The following LRRTM4 variants were observed in gnomAD, a reference collection of about 807,000 sequenced individuals.
LRRTM4 encodes leucine rich repeat transmembrane neuronal 4.
LRRTM4 carries 25 observed loss-of-function variants against 47.6 expected under a neutral mutation model. That is an observed-to-expected ratio of 0.53 (90% confidence interval 0.38 to 0.73). LRRTM4 has a LOEUF of 0.73. Among genes scored for constraint, LRRTM4 ranks in the 30% least tolerant of loss-of-function variants. The pLI, the probability that LRRTM4 is intolerant of heterozygous loss-of-function variation, is 0.00. For missense variants in LRRTM4, 638 were observed against 713.4 expected (o/e 0.89, Z 1.20); for synonymous variants, 311 against 269.5 (o/e 1.15, Z -1.51).
chr2:76,971,173 T>G (rs893900070), intron 3 of LRRTM4, among the ~76,000 whole-genome samples: 1 of 151,962 alleles, frequency 6.6e-6, no homozygotes, highest in African/African-American at 2.4e-5. Context: ...AACAGACTCT[T>G]AATAGAAGAT....
intron 3 of LRRTM4, among the ~76,000 whole-genome samples, chr2:77,454,190 T>A (rs1051584964): frequency 7.2e-5 from 11 of 152,334 alleles, no homozygotes; most frequent in African/African-American, 2.6e-4. Flanking sequence ...TTAATGTAAA[T>A]AATATTTTAA....
At chr2:77,476,889 A>G (rs2861074) in intron 3 of LRRTM4, among the ~76,000 whole-genome samples, 50,533 of 151,720 alleles carry the variant, frequency 0.33, 8,636 homozygotes, top group Middle Eastern at 0.37. Context: ...TACATTATTA[A>G]TTTCTCTTTG....
intron 3 of LRRTM4, among the ~76,000 whole-genome samples, chr2:77,207,372 T>TATATATATATATATATATATACAC (rs59335400): frequency 1.5e-5 from 2 of 131,098 alleles, no homozygotes; most frequent in African/African-American, 6.5e-5. Context: ...TATATATATA[T>TATATATATATATATATATATACAC]ACACACACAC....
intron 3 of LRRTM4, among the ~76,000 whole-genome samples, chr2:77,019,296 G>C (rs1313019969): frequency 6.7e-6 from 1 of 148,306 alleles, no homozygotes; most frequent in African/African-American, 2.5e-5. Flanking sequence ...AAGACAGAGT[G>C]TATTGACCCT....
At chr2:77,106,747 C>A (rs1671101910) in intron 3 of LRRTM4, among the ~76,000 whole-genome samples, 1 of 151,582 alleles carries the variant, frequency 6.6e-6, no homozygotes, top group South Asian at 2.1e-4. Context: ...GAAGGGAATT[C>A]CAAGAGGCTG....
intron 3 of LRRTM4, among the ~76,000 whole-genome samples, chr2:76,772,373 C>A (rs186199266): frequency 8.1e-4 from 123 of 151,998 alleles, no homozygotes; most frequent in Non-Finnish European, 1.4e-3. Context: ...GCAGCCTGAA[C>A]AGACTAAGAA....
chr2:76,994,574 C>T (rs1677132919), intron 3 of LRRTM4, among the ~76,000 whole-genome samples: 1 of 151,856 alleles, frequency 6.6e-6, no homozygotes, highest in African/African-American at 2.4e-5. Context: ...GCAGGCTAAC[C>T]TATTTGCTTG....
intron 3 of LRRTM4, among the ~76,000 whole-genome samples, chr2:77,118,813 G>A (rs1671454217): frequency 6.6e-6 from 1 of 151,748 alleles, no homozygotes; most frequent in Non-Finnish European, 1.5e-5. Flanking sequence ...AATAATAATG[G>A]CATGGAGATT....
intron 3 of LRRTM4, among the ~76,000 whole-genome samples, chr2:77,476,317 T>C (rs188759726): frequency 3.7e-4 from 56 of 152,276 alleles, no homozygotes; most frequent in Admixed American, 1.0e-3. Flanking sequence ...AAGGATGCTA[T>C]TTATTTTCAC....
chr2:76,827,410 G>A (rs1671218984), intron 3 of LRRTM4, among the ~76,000 whole-genome samples: 1 of 151,758 alleles, frequency 6.6e-6, no homozygotes, highest in Admixed American at 6.6e-5. Flanking sequence ...GATATGCATT[G>A]ATGGTTACTA....
chr2:77,131,745 A>G (rs1272494841), intron 3 of LRRTM4, among the ~76,000 whole-genome samples: 2 of 152,214 alleles, frequency 1.3e-5, no homozygotes, highest in African/African-American at 2.4e-5. Context: ...CCCCTTTTCA[A>G]TAAACTTCCT....
intron 3 of LRRTM4, among the ~76,000 whole-genome samples, chr2:77,297,461 G>GAGAGTT (rs1445366061): frequency 6.6e-6 from 1 of 152,174 alleles, no homozygotes; most frequent in Non-Finnish European, 1.5e-5. Context: ...TCTATAAAGA[G>GAGAGTT]AGAGTTAGAG....
intron 3 of LRRTM4, among the ~76,000 whole-genome samples, chr2:77,150,060 T>G (rs916232742): frequency 2.6e-5 from 4 of 152,158 alleles, no homozygotes; most frequent in African/African-American, 9.7e-5. Flanking sequence ...AGTTATCTAT[T>G]TAGTAAAGAA....
At chr2:77,454,874 TTTTA>T (rs1676462148) in intron 3 of LRRTM4, among the ~76,000 whole-genome samples, 1 of 152,094 alleles carries the variant, frequency 6.6e-6, no homozygotes, top group African/African-American at 2.4e-5. Flanking sequence ...CTGCCCCCCC[TTTTA>T]TTTATTTATT....
rs72823150 is a variant in LRRTM4, at chr2:76,986,564, G to T, written c.1552-237648C>A. Among the ~76,000 whole-genome samples, 578 of 151,988 alleles carry T rather than the reference G, an allele frequency of 3.8e-3. 1 individual carries two copies. The highest frequency in any genetic ancestry group is 6.9e-3 in the Non-Finnish European group (468 of 67,898). On this transcript the variant is annotated intron_variant, in intron 3 of 3. Coordinates refer to ENST00000409884, the MANE Select transcript of LRRTM4 (RefSeq NM_001134745.3). The stretch of plus-strand genomic sequence containing the variant: ...TGTGGCTAATCTGAACATTTTGGGG[G>T]CATGGTAATTACAAAGATTTATCTT...
At chr2:77,256,085 T>C (rs919621252) in intron 3 of LRRTM4, among the ~76,000 whole-genome samples, 3 of 151,964 alleles carry the variant, frequency 2.0e-5, no homozygotes, top group Non-Finnish European at 4.4e-5. Context: ...ATGAATAATA[T>C]TGGGGTTATC....
At chr2:77,504,596 T>C (rs1362021936) in intron 3 of LRRTM4, among the ~76,000 whole-genome samples, 2 of 151,628 alleles carry the variant, frequency 1.3e-5, no homozygotes, top group African/African-American at 4.8e-5. Flanking sequence ...TTAGCCATTA[T>C]AAACAAGAAT....
intron 3 of LRRTM4, among the ~76,000 whole-genome samples, chr2:77,182,380 C>A (rs1440440850): frequency 1.3e-5 from 2 of 151,932 alleles, no homozygotes; most frequent in Non-Finnish European, 2.9e-5. Flanking sequence ...ACAATGAGAA[C>A]ACATGGACAC....
At chr2:77,360,098 TA>T (rs1178700217) in intron 3 of LRRTM4, among the ~76,000 whole-genome samples, 1 of 152,190 alleles carries the variant, frequency 6.6e-6, no homozygotes, top group Non-Finnish European at 1.5e-5. Context: ...AATTTTATCT[TA>T]AACTGTAATG....
Sources: gnomAD v4.1 joint callset for allele counts (sites outside exome capture counted in the v4.1 genomes callset) on GRCh38, gnomAD v4.1.1 for gene constraint, MANE v1.5 for transcripts, NCBI Gene and HGNC (gene_info 2026-07-23, HGNC 2026-07-21) for gene names.